The following PCDHGC5 variants were observed in gnomAD, a reference collection of about 807,000 sequenced individuals.
PCDHGC5 encodes the protein protocadherin gamma-C5.
PCDHGC5 carries 25 observed loss-of-function variants against 59.0 expected under a neutral mutation model. The ratio of observed to expected loss-of-function variants is 0.42; its 90% CI spans 0.31 to 0.59. PCDHGC5 has a LOEUF of 0.59. Ranked by LOEUF, PCDHGC5 falls within the 20% of genes least tolerant of loss-of-function variation. PCDHGC5 has a pLI of 0.13. For missense variants in PCDHGC5, 1,067 were observed against 1,206.4 expected (o/e 0.88, Z 1.71); for synonymous variants, 434 against 505.5 (o/e 0.86, Z 1.90).
Position 141,505,441 on chromosome 5 carries a change from C to A in PCDHGC5, c.2568C>A (p.Asp856Glu), listed in dbSNP as rs2099846055. 6.2e-7 allele frequency: 1 copy of A among 1,614,084 alleles called. No individual in the cohort carries two copies. Among genetic ancestry groups the A allele is most frequent in the Non-Finnish European group, 8.5e-7 (1 of 1,180,024 alleles). Reference sequence around the variant, plus strand: ...GCACCTGGCCCAACAACCAGTTTGACACAGAGATGCTGCAAGCCATGATCT... The same window carrying A: ...GCACCTGGCCCAACAACCAGTTTGAAACAGAGATGCTGCAAGCCATGATCT... ...DTGTWPNNQFDTEMLQAMILA... is the reference protein window; with the variant it reads ...DTGTWPNNQFETEMLQAMILA... Residue 856 changes from aspartate to glutamate, a missense_variant, in exon 3 of 4, where the codon GAC becomes GAA. Transcript: ENST00000252087.
chr5:141,490,051 G>T lies in PCDHGC5; in HGVS notation c.811G>T (p.Glu271Ter), dbSNP rs779280988. Residue 271 changes from glutamate (E) to a stop codon, truncating the protein, a stop_gained, in exon 1 of 4, where the codon GAG becomes TAG. Coordinates refer to ENST00000252087, the MANE Select transcript of PCDHGC5 (RefSeq NM_018929.3). LOFTEE classifies it high-confidence loss of function. The surrounding 1 kb of genome is among the most constrained non-coding windows in gnomAD (Gnocchi z 5.4). ...LLRLNATDPD[E>*]GTNGQLDYSF... ...CCGCCTCAATGCCACTGATCCAGACGAGGGCACCAACGGCCAACTAGACTA... is the reference window on the plus strand; with the variant it reads ...CCGCCTCAATGCCACTGATCCAGACTAGGGCACCAACGGCCAACTAGACTA... 3 of 1,614,214 alleles carry T rather than the reference G, an allele frequency of 1.9e-6. No homozygotes were observed. The Middle Eastern group carries it at 4.9e-4, about 266-fold the overall frequency.
At chr5:141,495,779 C>A (rs529564820) in intron 2 of PCDHGC5, among the ~76,000 whole-genome samples, 53 of 152,094 alleles carry the variant, frequency 3.5e-4, no homozygotes, top group Non-Finnish European at 4.6e-4. Flanking sequence ...TCCTGGACCT[C>A]TTTTCTGTTT....
At chr5:141,496,693 C>T (rs2099770546) in intron 2 of PCDHGC5, among the ~76,000 whole-genome samples, 1 of 152,164 alleles carries the variant, frequency 6.6e-6, no homozygotes, top group South Asian at 2.1e-4. Context: ...CCTTGCCAAC[C>T]TTCTCATAAG....
In PCDHGC5 at chr5:141,511,829, G is replaced by A. The variant is rs1181369164; in HGVS notation, c.*656G>A. 1 of 156,774 alleles carries A rather than the reference G, an allele frequency of 6.4e-6. No individual in the cohort carries two copies. Among genetic ancestry groups the A allele is most frequent in the Non-Finnish European group, 1.4e-5 (1 of 70,652 alleles). The allele number at this position is 156,774 out of a possible 1,614,324, so 9.7% of individuals were successfully genotyped here. Reference sequence around the variant, plus strand: ...TACCAAGCCTCTTCCCAACGCCCTGGGGACCAGTCTTCTGTTTTGTTTTTC... The same window carrying A: ...TACCAAGCCTCTTCCCAACGCCCTGAGGACCAGTCTTCTGTTTTGTTTTTC... On this transcript the variant is annotated 3_prime_UTR_variant, in exon 4 of 4. Transcript: ENST00000252087.
chr5:141,491,138 C>T lies in PCDHGC5; in HGVS notation c.1898C>T (p.Ala633Val). The T allele has an allele frequency of 1.2e-6, 2 of 1,614,106 alleles. No individual in the cohort carries two copies. The highest frequency in any genetic ancestry group is 1.7e-6 in the Non-Finnish European group (2 of 1,179,962). Residue 633 changes from alanine (A) to valine (V), a missense_variant, in exon 1 of 4, where the codon GCC becomes GTC. Ala to Val is a moderately conservative substitution (Grantham distance 64). Transcript: ENST00000252087. The surrounding 1 kb of genome is among the most constrained non-coding windows in gnomAD (Gnocchi z 6.9). ...THTGEVRTAR[A>V]LLEDDSDTQQ... ...ACTGGTGAGGTGCGCACAGCCCGGG[C>T]CTTACTGGAGGATGACTCTGACACC...
intron 1 of PCDHGC5, among the ~76,000 whole-genome samples, chr5:141,494,568 C>T (rs2099755322): frequency 6.6e-6 from 1 of 152,138 alleles, no homozygotes; most frequent in African/African-American, 2.4e-5. Context: ...GGAAAGGAGT[C>T]TCAGCTTGCT....
rs967535805 is a variant in PCDHGC5 at position 141,490,206 on chromosome 5, C to T, written c.966C>T (p.Ala322=). 2.4e-5 allele frequency: 38 copies of T among 1,614,050 alleles called. No homozygotes were observed. In the Admixed American group the frequency reaches 5.0e-4, roughly 21 times the overall value. ...ESRFYEIHAR[A]RDQGQPAMEG... is the part of the protein sequence containing the mutation. ...GTTTCTATGAAATTCATGCAAGAGCCCGTGACCAGGGACAGCCTGCCATGG... is the reference window on the plus strand; with the variant it reads ...GTTTCTATGAAATTCATGCAAGAGCTCGTGACCAGGGACAGCCTGCCATGG... The change falls in exon 1 of 4, where the codon GCC becomes GCT. Residue 322 remains alanine, a synonymous_variant. Coordinates refer to ENST00000252087, the MANE Select transcript of PCDHGC5 (RefSeq NM_018929.3). This position sits in a 1 kb window ranked among gnomAD's most constrained non-coding sequence, Gnocchi z 5.4.
rs114669158 is a variant in PCDHGC5 at position 141,511,003 on chromosome 5, G to A, written c.2665G>A (p.Ala889Thr). The change falls in exon 4 of 4, where the codon GCC (alanine) becomes ACC (threonine). Residue 889 changes from alanine to threonine, a missense_variant. Physicochemically the swap from Ala to Thr is moderately conservative, Grantham distance 58 (BLOSUM62 0). Coordinates refer to ENST00000252087, the MANE Select transcript of PCDHGC5 (RefSeq NM_018929.3). Reference protein sequence around the residue: ...GGGAGTMGLSARYGPQFTLQH... With the variant: ...GGGAGTMGLSTRYGPQFTLQH... ...GGGTGCCGGCACCATGGGATTGAGCGCCCGCTACGGACCCCAGTTCACCCT... is the reference window on the plus strand; with the variant it reads ...GGGTGCCGGCACCATGGGATTGAGCACCCGCTACGGACCCCAGTTCACCCT... The A allele has an allele frequency of 1.0e-4, 163 of 1,614,148 alleles. 1 individual carries two copies. The highest frequency in any genetic ancestry group is 9.5e-5 in the Non-Finnish European group (112 of 1,180,012).
chr5:141,497,413 T>A (rs572922456), intron 2 of PCDHGC5, among the ~76,000 whole-genome samples: 1 of 151,928 alleles, frequency 6.6e-6, no homozygotes, highest in African/African-American at 2.4e-5. Context: ...TCCCATTCCA[T>A]CAAATGAGAG....
intron 2 of PCDHGC5, among the ~76,000 whole-genome samples, chr5:141,498,882 G>A (rs1287566657): frequency 6.8e-6 from 1 of 147,420 alleles, no homozygotes; most frequent in African/African-American, 2.5e-5. Context: ...GCAGTGAGCT[G>A]AGATCACACC....
At chr5:141,505,977 G>A (rs944259753) in intron 3 of PCDHGC5, among the ~76,000 whole-genome samples, 1 of 152,150 alleles carries the variant, frequency 6.6e-6, no homozygotes, top group East Asian at 1.9e-4. Flanking sequence ...CCAGCCGAGA[G>A]AACACCTCCT....
chr5:141,489,713 A>G lies in PCDHGC5; in HGVS notation c.473A>G (p.Gln158Arg). Residue 158 changes from glutamine to arginine, a missense_variant, in exon 1 of 4, where the codon CAG (glutamine) becomes CGG (arginine). By Grantham distance (43) the Gln-to-Arg change is conservative. Coordinates refer to ENST00000252087, the MANE Select transcript of PCDHGC5 (RefSeq NM_018929.3). The surrounding 1 kb of genome is among the most constrained non-coding windows in gnomAD (Gnocchi z 4.5). ...SGARFPLDSA[Q>R]DPDVGTNTVS... The stretch of plus-strand genomic sequence containing the variant: ...GCACGATTCCCACTGGACAGTGCCC[A>G]GGATCCGGATGTGGGCACCAATACT... 1.9e-6 allele frequency: 3 copies of G among 1,614,162 alleles called. No individual in the cohort carries two copies. The highest frequency in any genetic ancestry group is 2.5e-6 in the Non-Finnish European group (3 of 1,179,968).
chr5:141,497,840 C>T (rs1326804289), intron 2 of PCDHGC5, among the ~76,000 whole-genome samples: 1 of 152,154 alleles, frequency 6.6e-6, no homozygotes, highest in Non-Finnish European at 1.5e-5. Context: ...CCGGCCACAA[C>T]AAACATTTTT....
chr5:141,489,983 G>T lies in PCDHGC5; in HGVS notation c.743G>T (p.Arg248Leu). ...NAPTFQSSVL[R>L]VGIPENAPIG... ...CCAACCTTCCAATCCTCAGTTCTACGTGTGGGAATCCCAGAGAATGCACCC... is the reference window on the plus strand; with the variant it reads ...CCAACCTTCCAATCCTCAGTTCTACTTGTGGGAATCCCAGAGAATGCACCC... Residue 248 changes from arginine (R) to leucine (L), a missense_variant, in exon 1 of 4, where the codon CGT (arginine) becomes CTT (leucine). By Grantham distance (102) the Arg-to-Leu change is moderately radical. Coordinates refer to ENST00000252087, the MANE Select transcript of PCDHGC5 (RefSeq NM_018929.3). The surrounding 1 kb of genome is among the most constrained non-coding windows in gnomAD (Gnocchi z 4.5). The T allele has an allele frequency of 6.2e-7, 1 of 1,614,172 alleles. No homozygotes were observed. Among genetic ancestry groups the T allele is most frequent in the Non-Finnish European group, 8.5e-7 (1 of 1,179,996 alleles).
chr5:141,508,451 C>T (rs1245251907), intron 3 of PCDHGC5, among the ~76,000 whole-genome samples: 1 of 152,180 alleles, frequency 6.6e-6, no homozygotes, highest in Admixed American at 6.5e-5. Flanking sequence ...AGTGGCAGAG[C>T]AGAGCAAATA....
In PCDHGC5 at chr5:141,489,637, T is replaced by G. The variant is rs1230531256; in HGVS notation, c.397T>G (p.Phe133Val). The G allele has an allele frequency of 6.2e-6, 10 of 1,614,032 alleles. No homozygotes were observed. The highest frequency in any genetic ancestry group is 2.7e-5 in the African/African-American group (2 of 74,914). The change falls in exon 1 of 4, where the codon TTT becomes GTT. Residue 133 changes from phenylalanine to valine, a missense_variant. Transcript: ENST00000252087. The surrounding 1 kb of genome is among the most constrained non-coding windows in gnomAD (Gnocchi z 4.5). Reference protein sequence around the residue: ...ILDLNDNSPSFATPEREMRIS... With the variant: ...ILDLNDNSPSVATPEREMRIS... The stretch of plus-strand genomic sequence containing the variant: ...GGATCTCAATGACAACTCTCCTAGC[T>G]TTGCCACCCCTGAGCGAGAGATGCG...
chr5:141,510,272 TA>T (rs546154379), intron 3 of PCDHGC5, among the ~76,000 whole-genome samples: 4,704 of 130,308 alleles, frequency 0.036, 80 homozygotes, highest in South Asian at 0.057. Flanking sequence ...GACTCCATCT[TA>T]AAAAAAAAAA....
chr5:141,500,005 G>A (rs994274763), intron 2 of PCDHGC5, among the ~76,000 whole-genome samples: 30 of 151,476 alleles, frequency 2.0e-4, no homozygotes, highest in Non-Finnish European at 3.8e-4. Context: ...TCTTTCATAA[G>A]GTCCACATTT....
At chr5:141,497,541 T>C (rs1157403777) in intron 2 of PCDHGC5, among the ~76,000 whole-genome samples, 9 of 89,564 alleles carry the variant, frequency 1.0e-4, no homozygotes, top group Non-Finnish European at 2.1e-4. Context: ...GCAACAAACC[T>C]TTTTTTTTTT....
Sources: gnomAD v4.1 joint callset for allele counts (sites outside exome capture counted in the v4.1 genomes callset) on GRCh38, gnomAD v4.1.1 for gene constraint, Gnocchi (gnomAD v3.1) non-coding constraint, MANE v1.5 for transcripts, NCBI Gene and HGNC (gene_info 2026-07-23, HGNC 2026-07-21) for gene names.